SAMD5: variants seen among roughly 807,000 people sequenced by gnomAD.
SAMD5 encodes sterile alpha motif domain-containing protein 5.
SAMD5 carries 13 observed loss-of-function variants against 11.3 expected under a neutral mutation model. The ratio of observed to expected loss-of-function variants is 1.15; its 90% CI spans 0.75 to 1.83. SAMD5 has a LOEUF of 1.83. SAMD5 is among the 40% of genes most tolerant of loss of function. The pLI, the probability that SAMD5 is intolerant of heterozygous loss-of-function variation, is 0.00. For missense variants in SAMD5, 255 were observed against 239.1 expected, an observed-to-expected ratio of 1.07 and a Z score of -0.44; for synonymous variants, 129 against 111.3, an observed-to-expected ratio of 1.16 and a Z score of -1.00.
the SAMD5 span, among the ~76,000 whole-genome samples, chr6:147,864,548 T>C: frequency 2.6e-5 from 4 of 152,308 alleles, no homozygotes; most frequent in Admixed American, 6.5e-5. Flanking sequence ...ATTAGCTTCA[T>C]AGATGCCAGG....
At chr6:147,750,163 T>G in the SAMD5 span, among the ~76,000 whole-genome samples, 1 of 152,192 alleles carries the variant, frequency 6.6e-6, no homozygotes, top group Non-Finnish European at 1.5e-5. Flanking sequence ...GAATTTACAT[T>G]TGAACATATT....
chr6:147,576,396 C>T (rs898281620), intron 1 of SAMD5, among the ~76,000 whole-genome samples: 2 of 152,150 alleles, frequency 1.3e-5, no homozygotes, highest in Non-Finnish European at 2.9e-5. Flanking sequence ...CTGCCTCGGC[C>T]TCAAAGTGCT....
chr6:147,752,963 G>T, the SAMD5 span, among the ~76,000 whole-genome samples: 2 of 152,212 alleles, frequency 1.3e-5, no homozygotes, highest in Non-Finnish European at 2.9e-5. Context: ...GAAGCAATTT[G>T]TGGGTGACTG....
chr6:147,566,493 G>A lies in SAMD5; in HGVS notation c.*2037G>A, dbSNP rs1260514254. ...GTACTTGTTGAACTTTGCTAGGAAG[G>A]ACTCAATTTTTGAAAAATCTGTTAT... On this transcript the variant is annotated 3_prime_UTR_variant, in exon 2 of 2. Transcript: ENST00000367474. 2.0e-6 allele frequency: 2 copies of A among 985,720 alleles called. No homozygotes were observed. The highest frequency in any genetic ancestry group is 9.4e-5 in the South Asian group (2 of 21,288). 61.1% of individuals were successfully genotyped at this position (985,720 alleles called of 1,614,324 possible). A position where few individuals can be genotyped will look rare whatever the true frequency, so the allele number is the denominator to read the frequency against.
chr6:147,948,520 T>C, the SAMD5 span, among the ~76,000 whole-genome samples: 1 of 152,170 alleles, frequency 6.6e-6, no homozygotes, highest in African/African-American at 2.4e-5. Flanking sequence ...CCGTTAGAAG[T>C]AATTGTTCTT....
intron 1 of SAMD5, among the ~76,000 whole-genome samples, chr6:147,513,470 G>A (rs1788119559): frequency 6.6e-6 from 1 of 152,332 alleles, no homozygotes; most frequent in South Asian, 2.1e-4. Flanking sequence ...AGAACAGCGA[G>A]TTTGGGCGAG....
At chr6:147,652,174 AGT>A (rs1344756250) in intron 1 of SAMD5, among the ~76,000 whole-genome samples, 1 of 152,210 alleles carries the variant, frequency 6.6e-6, no homozygotes, top group Non-Finnish European at 1.5e-5. Flanking sequence ...AAATATACAA[AGT>A]GTGTCATCTT....
At chr6:147,588,211 G>A (rs1250803625) in intron 1 of SAMD5, among the ~76,000 whole-genome samples, 3 of 148,854 alleles carry the variant, frequency 2.0e-5, no homozygotes, top group East Asian at 4.0e-4. Flanking sequence ...ATCTCGGTGG[G>A]AACTTGAAAC....
At chr6:147,884,579 T>C in the SAMD5 span, among the ~76,000 whole-genome samples, 4 of 152,240 alleles carry the variant, frequency 2.6e-5, no homozygotes, top group East Asian at 5.8e-4. Flanking sequence ...AAGGTGCTTA[T>C]GGGATGTTGC....
chr6:147,712,887 T>C (rs1472962832), intron 1 of SAMD5, among the ~76,000 whole-genome samples: 2 of 152,144 alleles, frequency 1.3e-5, no homozygotes, highest in Admixed American at 6.5e-5. Flanking sequence ...ATCCTACTCA[T>C]ACAAAAAGGA....
At chr6:147,714,687 A>G (rs1225405083) in intron 1 of SAMD5, among the ~76,000 whole-genome samples, 1 of 152,232 alleles carries the variant, frequency 6.6e-6, no homozygotes, top group Non-Finnish European at 1.5e-5. Flanking sequence ...TATACTTTGA[A>G]TCAGTGATTC....
the SAMD5 span, among the ~76,000 whole-genome samples, chr6:147,926,931 G>A: frequency 1.3e-5 from 2 of 151,686 alleles, no homozygotes; most frequent in East Asian, 3.9e-4. Flanking sequence ...GAACAGTGCT[G>A]TAGCCATTGC....
At chr6:147,826,092 C>T in the SAMD5 span, among the ~76,000 whole-genome samples, 1 of 152,184 alleles carries the variant, frequency 6.6e-6, no homozygotes, top group East Asian at 1.9e-4. Flanking sequence ...TCCATGGCAA[C>T]ATTTTTGTTC....
At chr6:147,776,704 T>C in the SAMD5 span, among the ~76,000 whole-genome samples, 1 of 152,152 alleles carries the variant, frequency 6.6e-6, no homozygotes, top group Non-Finnish European at 1.5e-5. Flanking sequence ...TTCGATGACC[T>C]TTCATCACAA....
the SAMD5 span, among the ~76,000 whole-genome samples, chr6:147,890,338 T>C: frequency 6.6e-6 from 1 of 151,228 alleles, no homozygotes; most frequent in African/African-American, 2.4e-5. Flanking sequence ...ATAAGGTAAA[T>C]GAGGTATAAT....
the SAMD5 span, among the ~76,000 whole-genome samples, chr6:147,863,896 T>G: frequency 6.9e-6 from 1 of 144,708 alleles, no homozygotes; most frequent in Admixed American, 7.4e-5. Flanking sequence ...CAGGCTGGAG[T>G]CCAGTGGCAC....
At chr6:147,517,874 T>G (rs1040095589) in intron 1 of SAMD5, among the ~76,000 whole-genome samples, 4 of 139,304 alleles carry the variant, frequency 2.9e-5, no homozygotes, top group East Asian at 2.0e-4. Flanking sequence ...TAATGAGGTG[T>G]TTTTTTTTTT....
intron 1 of SAMD5, among the ~76,000 whole-genome samples, chr6:147,537,837 G>A (rs938888147): frequency 1.3e-5 from 2 of 151,982 alleles, no homozygotes; most frequent in Non-Finnish European, 1.5e-5. Flanking sequence ...ATAGCATGAG[G>A]CCAACTAAAT....
At chr6:147,777,220 G>A in the SAMD5 span, among the ~76,000 whole-genome samples, 10,516 of 151,708 alleles carry the variant, frequency 0.069, 475 homozygotes, top group African/African-American at 0.12. Flanking sequence ...GTTATAACTC[G>A]CATCATGCCC....
Sources: allele counts gnomAD v4.1 joint callset (sites outside exome capture counted in the v4.1 genomes callset), GRCh38; gene constraint gnomAD v4.1.1; transcripts MANE v1.5; gene names NCBI Gene and HGNC (gene_info 2026-07-23, HGNC 2026-07-21).